Variants in CSMD1 observed in about 807,000 individuals in gnomAD.
The protein encoded by CSMD1 is CUB and sushi domain-containing protein 1.
A neutral mutation model predicts 417.5 loss-of-function variants in CSMD1; 213 were observed. That is an observed-to-expected ratio of 0.51 (90% CI 0.46 to 0.57). CSMD1 has a LOEUF of 0.57. Ranked by LOEUF, CSMD1 falls within the 20% of genes least tolerant of loss-of-function variation. The probability of loss-of-function intolerance (pLI) is 0.00; values close to 1 mark genes in which losing one functional copy is unlikely to be tolerated. For synonymous variants in CSMD1, 2,862 were observed against 1,736.8 expected (o/e 1.65, Z -16.11); for missense variants, 6,923 against 4,529.7 (o/e 1.53, Z -15.17).
At chr8:4,292,869 T>G (rs1797448821) in intron 3 of CSMD1, among the ~76,000 whole-genome samples, 1 of 152,166 alleles carries the variant, frequency 6.6e-6, no homozygotes, top group Non-Finnish European at 1.5e-5. Context: ...AATGGGTTAA[T>G]TTAAAAGGCT....
rs560909158 is a variant in CSMD1 at position 4,640,553 on chromosome 8, G to C, written c.86-2995C>G. On this transcript the variant is annotated intron_variant, in intron 1 of 69. Transcript: ENST00000635120. ...CTCTAATGGGCCCTTGCCTACTATA[G>C]AGTATGCACAAATATTCTATACATG... 4.6e-5 allele frequency among the ~76,000 whole-genome samples: 7 copies of C among 152,220 alleles called. No individual in the cohort carries two copies. The South Asian group carries it at 1.0e-3, about 23-fold the overall frequency.
intron 33 of CSMD1, among the ~76,000 whole-genome samples, chr8:3,199,153 G>A (rs1050675202): frequency 6.6e-5 from 10 of 151,952 alleles, no homozygotes; most frequent in Non-Finnish European, 1.3e-4. Context: ...TTTTTTAAAA[G>A]GTTTAAATTA....
At chr8:4,351,547 G>A (rs774020354) in intron 3 of CSMD1, among the ~76,000 whole-genome samples, 2 of 152,204 alleles carry the variant, frequency 1.3e-5, no homozygotes, top group Non-Finnish European at 2.9e-5. Context: ...GGTAGAAAGT[G>A]GCCGGTCAGT....
chr8:4,777,973 G>C (rs80266136), intron 1 of CSMD1, among the ~76,000 whole-genome samples: 1 of 151,886 alleles, frequency 6.6e-6, no homozygotes, highest in African/African-American at 2.4e-5. Context: ...TTTTACATAG[G>C]GTTAAGCTTT....
At chr8:4,845,140 T>C (rs1489410601) in intron 1 of CSMD1, among the ~76,000 whole-genome samples, 1 of 152,210 alleles carries the variant, frequency 6.6e-6, no homozygotes, top group Non-Finnish European at 1.5e-5. Context: ...TATATAAAAA[T>C]TATCACTAAC....
At chr8:3,920,118 T>A (rs1305125114) in intron 5 of CSMD1, among the ~76,000 whole-genome samples, 1 of 152,148 alleles carries the variant, frequency 6.6e-6, no homozygotes, top group Non-Finnish European at 1.5e-5. Flanking sequence ...ACTGAAGTCA[T>A]GACTTTCCAC....
At chr8:4,244,851 T>G (rs1041428638) in intron 3 of CSMD1, among the ~76,000 whole-genome samples, 21 of 152,186 alleles carry the variant, frequency 1.4e-4, no homozygotes, top group Non-Finnish European at 3.1e-4. Flanking sequence ...CTGGTGTCAT[T>G]GTAACAAGAT....
intron 22 of CSMD1, among the ~76,000 whole-genome samples, chr8:3,346,467 T>G (rs1281370195): frequency 2.0e-5 from 3 of 152,240 alleles, no homozygotes; most frequent in Non-Finnish European, 4.4e-5. Context: ...TGTGCTAGTT[T>G]CCTGCCTAAA....
intron 1 of CSMD1, among the ~76,000 whole-genome samples, chr8:4,700,107 T>C (rs895468505): frequency 4.6e-5 from 7 of 152,200 alleles, no homozygotes; most frequent in Non-Finnish European, 8.8e-5. Flanking sequence ...GTCATTTTTC[T>C]AATAAGTGGT....
At chr8:3,367,638 A>C (rs1809684302) in intron 19 of CSMD1, among the ~76,000 whole-genome samples, 2 of 152,236 alleles carry the variant, frequency 1.3e-5, no homozygotes, top group Non-Finnish European at 2.9e-5. Context: ...AAATGAAAAA[A>C]AGCAGAAGGG....
intron 10 of CSMD1, among the ~76,000 whole-genome samples, chr8:3,513,444 G>C (rs1159753874): frequency 1.3e-5 from 2 of 151,658 alleles, no homozygotes; most frequent in South Asian, 2.1e-4. Flanking sequence ...TCCCGACTCA[G>C]CCTCCTGAAT....
At chr8:4,221,640 C>G (rs1714726) in intron 3 of CSMD1, among the ~76,000 whole-genome samples, 70,837 of 151,980 alleles carry the variant, frequency 0.47, 18,635 homozygotes, top group Non-Finnish European at 0.59. Flanking sequence ...TTTCACATCC[C>G]CTGACACCAT....
At chr8:4,730,721 A>C (rs1167598569) in intron 1 of CSMD1, among the ~76,000 whole-genome samples, 1 of 152,012 alleles carries the variant, frequency 6.6e-6, no homozygotes, top group Non-Finnish European at 1.5e-5. Context: ...AGCCTGGGCG[A>C]CAGAGCGAGA....
chr8:4,500,111 T>C (rs1456072982), intron 2 of CSMD1, among the ~76,000 whole-genome samples: 1 of 151,388 alleles, frequency 6.6e-6, no homozygotes, highest in East Asian at 1.9e-4. Context: ...ATAAAGAGGC[T>C]GGGAGAATAC....
At chr8:4,202,907 G>C (rs1318747796) in intron 3 of CSMD1, among the ~76,000 whole-genome samples, 1 of 152,194 alleles carries the variant, frequency 6.6e-6, no homozygotes, top group African/African-American at 2.4e-5. Context: ...GGACTGTGTG[G>C]ACACCTGGAG....
chr8:4,822,468 C>A (rs111910946), intron 1 of CSMD1, among the ~76,000 whole-genome samples: 1 of 152,078 alleles, frequency 6.6e-6, no homozygotes, highest in African/African-American at 2.4e-5. Flanking sequence ...TGTCAGTTTA[C>A]GTGGATTGTA....
intron 2 of CSMD1, among the ~76,000 whole-genome samples, chr8:4,474,377 T>C (rs1359332780): frequency 6.6e-6 from 1 of 152,136 alleles, no homozygotes; most frequent in East Asian, 1.9e-4. Context: ...TTGAGCTGAT[T>C]AGAATAAGAG....
chr8:3,970,446 G>A (rs1018794731), intron 5 of CSMD1, among the ~76,000 whole-genome samples: 18 of 152,298 alleles, frequency 1.2e-4, no homozygotes, highest in Admixed American at 3.9e-4. Flanking sequence ...ACATGGCCAT[G>A]AGAAACTCTT....
intron 1 of CSMD1, among the ~76,000 whole-genome samples, chr8:4,773,105 T>C (rs1237113069): frequency 6.6e-6 from 1 of 152,172 alleles, no homozygotes; most frequent in Non-Finnish European, 1.5e-5. Context: ...TTTGGGAATA[T>C]TTGCATATAT....
Sources: gnomAD v4.1 joint callset for allele counts (sites outside exome capture counted in the v4.1 genomes callset) on GRCh38, gnomAD v4.1.1 for gene constraint, MANE v1.5 for transcripts, NCBI Gene and HGNC (gene_info 2026-07-23, HGNC 2026-07-21) for gene names.